Variants in KCNIP4 observed in about 807,000 individuals in gnomAD.
KCNIP4 encodes Kv channel-interacting protein 4.
KCNIP4 carries 12 observed loss-of-function variants against 34.0 expected under a neutral mutation model. The ratio of observed to expected loss-of-function variants is 0.35; its 90% confidence interval spans 0.23 to 0.57. The LOEUF is 0.57. KCNIP4 is among the 20% of genes least tolerant of loss of function. The pLI, the probability that KCNIP4 is intolerant of heterozygous loss-of-function variation, is 0.83. For synonymous variants in KCNIP4, 124 were observed against 102.2 expected, an observed-to-expected ratio of 1.21 and a Z score of -1.29; for missense variants, 238 against 311.7, an observed-to-expected ratio of 0.76 and a Z score of 1.78.
chr4:21,066,098 C>T (rs886241044), intron 1 of KCNIP4, among the ~76,000 whole-genome samples: 12 of 151,962 alleles, frequency 7.9e-5, no homozygotes, highest in Non-Finnish European at 1.5e-4. Context: ...AACCTCCATC[C>T]CTTGCCTCAG....
chr4:21,868,746 A>G (rs1003894993), intron 1 of KCNIP4, among the ~76,000 whole-genome samples: 3 of 152,220 alleles, frequency 2.0e-5, no homozygotes, highest in Non-Finnish European at 2.9e-5. Context: ...AACACATTTC[A>G]GGAAATACAA....
intron 1 of KCNIP4, among the ~76,000 whole-genome samples, chr4:21,563,092 T>C (rs1739587874): frequency 6.6e-6 from 1 of 152,064 alleles, no homozygotes; most frequent in Admixed American, 6.6e-5. Context: ...ATTCAAATAA[T>C]ACAGATGTTA....
At chr4:21,935,382 T>G (rs953898497) in intron 1 of KCNIP4, among the ~76,000 whole-genome samples, 1 of 152,046 alleles carries the variant, frequency 6.6e-6, no homozygotes, top group Non-Finnish European at 1.5e-5. Flanking sequence ...ACCCACTACA[T>G]AAAATCCACG....
intron 1 of KCNIP4, among the ~76,000 whole-genome samples, chr4:21,390,943 G>T (rs937411030): frequency 1.3e-5 from 2 of 152,102 alleles, no homozygotes; most frequent in East Asian, 1.9e-4. Context: ...GTGCATGAAG[G>T]TTCTAATTTC....
intron 1 of KCNIP4, among the ~76,000 whole-genome samples, chr4:21,417,942 T>G (rs940870289): frequency 6.6e-6 from 1 of 152,108 alleles, no homozygotes; most frequent in East Asian, 1.9e-4. Context: ...GAAGTAAGTA[T>G]TTAAAGGGAA....
intron 1 of KCNIP4, among the ~76,000 whole-genome samples, chr4:21,871,320 C>A (rs1725796770): frequency 7.0e-6 from 1 of 142,822 alleles, no homozygotes; most frequent in Non-Finnish European, 1.5e-5. Flanking sequence ...ATAAATCATA[C>A]TGCTATAAAG....
At chr4:21,395,143 A>T (rs2109529219) in intron 1 of KCNIP4, among the ~76,000 whole-genome samples, 1 of 152,294 alleles carries the variant, frequency 6.6e-6, no homozygotes, top group Non-Finnish European at 1.5e-5. Flanking sequence ...TGCAGAAAGA[A>T]ATCTTCTTAA....
intron 1 of KCNIP4, among the ~76,000 whole-genome samples, chr4:21,516,234 C>T (rs1329188990): frequency 6.6e-6 from 1 of 152,066 alleles, no homozygotes; most frequent in Non-Finnish European, 1.5e-5. Flanking sequence ...CTTTGTTGTC[C>T]CACGAATAAT....
chr4:21,303,706 A>T, intron 1 of KCNIP4: 1 of 868,598 alleles, frequency 1.2e-6, no homozygotes, highest in Non-Finnish European at 1.8e-6. Flanking sequence ...TCCCAGAGTA[A>T]CATTTCTCTG....
intron 1 of KCNIP4, among the ~76,000 whole-genome samples, chr4:21,775,548 T>C (rs114262734): frequency 0.047 from 7,128 of 152,206 alleles, 236 homozygotes; most frequent in Middle Eastern, 0.11. Context: ...CCAGATTCCT[T>C]AGAACTACCA....
intron 1 of KCNIP4, among the ~76,000 whole-genome samples, chr4:21,240,285 C>T (rs1460482151): frequency 6.7e-6 from 1 of 149,946 alleles, no homozygotes; most frequent in African/African-American, 2.5e-5. Flanking sequence ...AATGACGAGT[C>T]AATGGGTGCA....
At chr4:21,751,173 T>C (rs114648898) in intron 1 of KCNIP4, among the ~76,000 whole-genome samples, 4,342 of 152,132 alleles carry the variant, frequency 0.029, 192 homozygotes, top group African/African-American at 0.099. Context: ...AACAAATCAA[T>C]GACTTGAATA....
intron 1 of KCNIP4, among the ~76,000 whole-genome samples, chr4:21,486,205 T>C (rs1449514261): frequency 6.6e-6 from 1 of 151,918 alleles, no homozygotes; most frequent in African/African-American, 2.4e-5. Flanking sequence ...GATACTGCAG[T>C]GGACTGACCT....
intron 1 of KCNIP4, among the ~76,000 whole-genome samples, chr4:21,247,075 T>A (rs1197803383): frequency 1.3e-5 from 2 of 152,134 alleles, no homozygotes; most frequent in African/African-American, 4.8e-5. Flanking sequence ...AAAGTTAAGA[T>A]TAAAATAGGA....
In KCNIP4 at chr4:21,808,466, TCTTA is replaced by T. The variant is rs1386370389; in HGVS notation, c.61+140101_61+140104del. ...TCATCTTAATATTTTCTTTTCTGTA[TCTTA>T]CTTCATTGTAAGAATACAGTATATA... On this transcript the variant is annotated intron_variant, in intron 1 of 8. Coordinates refer to ENST00000382152, the MANE Select transcript of KCNIP4 (RefSeq NM_025221.6). Among the ~76,000 whole-genome samples, 9 of 152,316 alleles carry T rather than the reference TCTTA, an allele frequency of 5.9e-5. No homozygotes were observed. The East Asian group carries it at 1.7e-3, about 29-fold the overall frequency.
rs116686742 is a variant in KCNIP4, at chr4:21,538,776, G to A, written c.61+409795C>T. ...ATCTCACTCAAGGCTCTGTAATGCC[G>A]GTATGTTCTCTATATGAATGTGGCA... On this transcript the variant is annotated intron_variant, in intron 1 of 8. Coordinates refer to ENST00000382152, the MANE Select transcript of KCNIP4 (RefSeq NM_025221.6). 1.1e-3 allele frequency among the ~76,000 whole-genome samples: 163 copies of A among 152,214 alleles called. 1 individual carries two copies. The highest frequency in any genetic ancestry group is 3.5e-3 in the African/African-American group (146 of 41,532).
At chr4:21,612,156 T>A (rs968776550) in intron 1 of KCNIP4, among the ~76,000 whole-genome samples, 2 of 152,050 alleles carry the variant, frequency 1.3e-5, no homozygotes, top group Non-Finnish European at 2.9e-5. Context: ...TGATTTTTTT[T>A]AAAAAAAGGA....
At chr4:21,562,712 C>T (rs994358373) in intron 1 of KCNIP4, among the ~76,000 whole-genome samples, 3 of 151,908 alleles carry the variant, frequency 2.0e-5, no homozygotes, top group Non-Finnish European at 4.4e-5. Flanking sequence ...AAAAGCAAAC[C>T]TCTCTTTAAT....
intron 1 of KCNIP4, chr4:21,544,770 T>C (rs905627): frequency 0.36 from 55,187 of 151,994 alleles, 10,290 homozygotes; most frequent in South Asian, 0.52. Flanking sequence ...TAATCAAGAA[T>C]CATAAAAATG....
Sources: allele counts gnomAD v4.1 joint callset (sites outside exome capture counted in the v4.1 genomes callset), GRCh38; gene constraint gnomAD v4.1.1; transcripts MANE v1.5; gene names NCBI Gene and HGNC (gene_info 2026-07-23, HGNC 2026-07-21).